HMGA2: variants seen among roughly 807,000 people sequenced by gnomAD.
HMGA2 encodes high mobility group AT-hook 2.
A neutral mutation model predicts 19.1 loss-of-function variants in HMGA2; 8 were observed. The observed-to-expected ratio is 0.42, with a 90% CI of 0.25 to 0.76. The LOEUF is 0.76. HMGA2 is among the 30% of genes least tolerant of loss of function. The pLI is 0.28. For synonymous variants in HMGA2, 60 were observed against 48.8 expected (o/e 1.23, Z -0.96); for missense variants, 109 against 136.3 (o/e 0.80, Z 1.00).
chr12:65,865,633 C>CTTTTTTTTTTT lies in HMGA2; in HGVS notation c.249+27073_249+27083dup, dbSNP rs952845162. 3.0e-5 allele frequency among the ~76,000 whole-genome samples: 4 copies of CTTTTTTTTTTT among 131,770 alleles called. 1 individual carries two copies. Among genetic ancestry groups the CTTTTTTTTTTT allele is most frequent in the African/African-American group, 8.4e-5 (3 of 35,714 alleles). The allele number at this position is 131,770 out of a possible 152,430, so 86.4% of individuals were successfully genotyped here. Reference sequence around the variant, plus strand: ...AGCGTCTGTATCTCCATCTATTTTTCTTTTTTTTTTTTTTTTTTTGAGACA... The same window carrying CTTTTTTTTTTT: ...AGCGTCTGTATCTCCATCTATTTTTCTTTTTTTTTTTTTTTTTTTTTTTTTTTTTTGAGACA... On this transcript the variant is annotated intron_variant, in intron 3 of 4. Coordinates refer to ENST00000403681, the MANE Select transcript of HMGA2 (RefSeq NM_003483.6).
chr12:65,824,945 C>G lies in HMGA2; in HGVS notation c.-326C>G, dbSNP rs1482289266. 3 of 358,638 alleles carry G rather than the reference C, an allele frequency of 8.4e-6. No individual in the cohort carries two copies. Among genetic ancestry groups the G allele is most frequent in the Non-Finnish European group, 1.5e-5 (3 of 196,986 alleles). 22.2% of individuals were successfully genotyped at this position (358,638 alleles called of 1,614,324 possible). A position where few individuals can be genotyped will look rare whatever the true frequency, so the allele number is the denominator to read the frequency against. On this transcript the variant is annotated 5_prime_UTR_variant, in exon 1 of 5. Coordinates refer to ENST00000403681, the MANE Select transcript of HMGA2 (RefSeq NM_003483.6). The stretch of plus-strand genomic sequence containing the variant: ...CGACCTCAAAGCCTCTCTTCCTTCT[C>G]CCTCGCTTCCCTCCTCCTCTTGCTA...
intron 3 of HMGA2, chr12:65,857,853 C>A (rs2120956480): frequency 6.6e-6 from 1 of 152,546 alleles, no homozygotes; most frequent in South Asian, 2.1e-4. Context: ...ATCTTACAGA[C>A]CTAGGAGAAC....
At chr12:65,949,507 T>C (rs1360579815) in intron 3 of HMGA2, among the ~76,000 whole-genome samples, 1 of 152,194 alleles carries the variant, frequency 6.6e-6, no homozygotes, top group Admixed American at 6.5e-5. Context: ...CTCAGCGATG[T>C]GTAGATAGAA....
chr12:65,862,123 G>T (rs1294238793), intron 3 of HMGA2, among the ~76,000 whole-genome samples: 2 of 152,108 alleles, frequency 1.3e-5, no homozygotes, highest in East Asian at 3.9e-4. Flanking sequence ...GGGATTACAG[G>T]TGTGAGCCAC....
chr12:65,964,635 T>G lies in HMGA2; in HGVS notation c.*1343T>G, dbSNP rs1191978790. 1 of 212,316 alleles carries G rather than the reference T, an allele frequency of 4.7e-6. No homozygotes were observed. Among genetic ancestry groups the G allele is most frequent in the Non-Finnish European group, 9.5e-6 (1 of 104,896 alleles). 13.2% of individuals were successfully genotyped at this position (212,316 alleles called of 1,614,324 possible). ...CAATGCAAGAAAAAAACTTACTGGG[T>G]AGGTGATTCTAATCATCTGCAGTTC... is the stretch of plus-strand genomic sequence containing the variant. On this transcript the variant is annotated 3_prime_UTR_variant, in exon 5 of 5. Coordinates refer to ENST00000403681, the MANE Select transcript of HMGA2 (RefSeq NM_003483.6).
rs375505821 is a variant in HMGA2 at position 65,959,025 on chromosome 12, A to G, written c.283-4220A>G. On this transcript the variant is annotated intron_variant, in intron 4 of 4. Transcript: ENST00000403681. ...ACTGCAGACCTGCTGTTTAGTCTGCATCTGGAAATTAAACCCAGAGCTTCA... is the reference window on the plus strand; with the variant it reads ...ACTGCAGACCTGCTGTTTAGTCTGCGTCTGGAAATTAAACCCAGAGCTTCA... Among the ~76,000 whole-genome samples the G allele has an allele frequency of 3.9e-5, 6 of 152,218 alleles. No individual in the cohort carries two copies. The East Asian group carries it at 1.2e-3, about 29-fold the overall frequency.
chr12:65,887,677 C>T (rs1375936693), intron 3 of HMGA2, among the ~76,000 whole-genome samples: 1 of 151,996 alleles, frequency 6.6e-6, no homozygotes, highest in Admixed American at 6.6e-5. Context: ...GAGCCGAGAT[C>T]ACGCCTTTGC....
intron 3 of HMGA2, among the ~76,000 whole-genome samples, chr12:65,883,973 C>A (rs1592419609): frequency 6.6e-6 from 1 of 152,352 alleles, no homozygotes; most frequent in African/African-American, 2.4e-5. Flanking sequence ...TCAAGCAATT[C>A]TCTTGCCTCA....
intron 3 of HMGA2, among the ~76,000 whole-genome samples, chr12:65,898,000 G>A (rs1352545790): frequency 2.0e-5 from 3 of 151,486 alleles, no homozygotes; most frequent in Non-Finnish European, 4.4e-5. Context: ...TTCATCCATC[G>A]GAAGGGATAG....
intron 3 of HMGA2, chr12:65,842,111 C>CT (rs781694121): frequency 1.8e-5 from 23 of 1,288,930 alleles, no homozygotes; most frequent in South Asian, 2.5e-5. Flanking sequence ...AATTGGGTCT[C>CT]TTTTTTTCCT....
At chr12:65,845,479 G>A (rs1467175951) in intron 3 of HMGA2, among the ~76,000 whole-genome samples, 1 of 152,044 alleles carries the variant, frequency 6.6e-6, no homozygotes, top group Non-Finnish European at 1.5e-5. Flanking sequence ...ATGTTGGCCA[G>A]GCTGGTCTTG....
chr12:65,846,194 G>A lies in HMGA2; in HGVS notation c.249+7625G>A, dbSNP rs1349045904. 2.6e-5 allele frequency among the ~76,000 whole-genome samples: 4 copies of A among 152,132 alleles called. No individual in the cohort carries two copies. The East Asian group carries it at 5.8e-4, about 22-fold the overall frequency. ...TTATTTTTTCATTCTTACAATAAAC[G>A]TGGTTTTATAAGTTAGTTAAAAAGT... On this transcript the variant is annotated intron_variant, in intron 3 of 4. Transcript: ENST00000403681.
At chr12:65,899,989 C>T (rs1187642834) in intron 3 of HMGA2, among the ~76,000 whole-genome samples, 3 of 152,162 alleles carry the variant, frequency 2.0e-5, no homozygotes, top group Non-Finnish European at 1.5e-5. Context: ...GGAAACCTTT[C>T]GTCTCAATCA....
chr12:65,912,541 A>G (rs1874891110), intron 3 of HMGA2, among the ~76,000 whole-genome samples: 1 of 152,168 alleles, frequency 6.6e-6, no homozygotes, highest in Non-Finnish European at 1.5e-5. Flanking sequence ...AGTCTTAGAT[A>G]CTTGGGTCCT....
chr12:65,949,509 T>A (rs907716292), intron 3 of HMGA2, among the ~76,000 whole-genome samples: 1 of 152,142 alleles, frequency 6.6e-6, no homozygotes, highest in African/African-American at 2.4e-5. Flanking sequence ...CAGCGATGTG[T>A]AGATAGAATA....
intron 3 of HMGA2, among the ~76,000 whole-genome samples, chr12:65,917,714 C>T (rs905920532): frequency 6.6e-6 from 1 of 152,168 alleles, no homozygotes; most frequent in Non-Finnish European, 1.5e-5. Context: ...GCTGGAGTTT[C>T]CTGGAGTGTG....
chr12:65,876,225 T>A (rs1873019010), intron 3 of HMGA2, among the ~76,000 whole-genome samples: 1 of 146,352 alleles, frequency 6.8e-6, no homozygotes, highest in Admixed American at 6.7e-5. Flanking sequence ...GCCTGTTTTT[T>A]CAAAAAAAAA....
At chr12:65,843,615 A>G (rs567696222) in intron 3 of HMGA2, 6 of 172,378 alleles carry the variant, frequency 3.5e-5, no homozygotes. Flanking sequence ...AAGCTAAAAC[A>G]TTAAGTTTTA....
At chr12:65,935,216 T>C (rs1875850507) in intron 3 of HMGA2, 1 of 152,220 alleles carries the variant, frequency 6.6e-6, no homozygotes, top group African/African-American at 2.4e-5. Flanking sequence ...TGTCAAACAA[T>C]AGGTTGAAAA....
Sources: gnomAD v4.1 joint callset for allele counts (sites outside exome capture counted in the v4.1 genomes callset) on GRCh38, gnomAD v4.1.1 for gene constraint, MANE v1.5 for transcripts, NCBI Gene and HGNC (gene_info 2026-07-23, HGNC 2026-07-21) for gene names.